Variants in ANKRD29 observed in about 807,000 individuals in gnomAD.
The protein encoded by ANKRD29 is ankyrin repeat domain-containing protein 29.
A neutral mutation model predicts 38.0 loss-of-function variants in ANKRD29; 32 were observed. The observed-to-expected ratio is 0.84, with a 90% CI of 0.64 to 1.13. The LOEUF (loss-of-function observed/expected upper bound fraction) is 1.13, where lower values mean the gene tolerates loss of function less well. ANKRD29 is among the 50% of genes most tolerant of loss of function. The probability of loss-of-function intolerance (pLI) is 0.00; values close to 1 mark genes in which losing one functional copy is unlikely to be tolerated. For synonymous variants in ANKRD29, 135 were observed against 152.4 expected (o/e 0.89, Z 0.84); for missense variants, 357 against 377.9 (o/e 0.94, Z 0.46).
intron 3 of ANKRD29, among the ~76,000 whole-genome samples, chr18:23,640,201 G>A (rs1193110825): frequency 1.3e-5 from 2 of 152,164 alleles, no homozygotes; most frequent in African/African-American, 4.8e-5. Flanking sequence ...AGGAGAGAGT[G>A]CTGACAGCCA....
In ANKRD29 at chr18:23,612,142, T is replaced by A; in HGVS notation, c.772A>T (p.Thr258Ser). The change falls in exon 9 of 10, where the codon ACA becomes TCA. Residue 258 changes from threonine (T) to serine (S), a missense_variant. Thr to Ser is a moderately conservative substitution (Grantham distance 58). Transcript: ENST00000592179. ...CCTGCTTCTAGGAGCAGCGCAACTG[T>A]TTTAATGTTTCCACTGAGCACTGCT... ...HAAVLSGNIK[T>S]VALLLEAGAD... The A allele has an allele frequency of 6.2e-7, 1 of 1,613,972 alleles. No individual in the cohort carries two copies. The highest frequency in any genetic ancestry group is 8.5e-7 in the Non-Finnish European group (1 of 1,179,970).
At chr18:23,625,492 A>T (rs2059851599) in intron 6 of ANKRD29, among the ~76,000 whole-genome samples, 1 of 152,090 alleles carries the variant, frequency 6.6e-6, no homozygotes, top group Non-Finnish European at 1.5e-5. Flanking sequence ...GTGGGGAGAA[A>T]CAGAGATATG....
chr18:23,662,892 C>G lies in ANKRD29; in HGVS notation c.-162G>C. ...CCGGCAGCAGCCGCCGCACACAGGG[C>G]CGGGCCGAAGGGGCGGCGCGGGGGC... On this transcript the variant is annotated 5_prime_UTR_variant, in exon 1 of 10. Transcript: ENST00000592179. The G allele has an allele frequency of 7.6e-6, 4 of 526,588 alleles. No individual in the cohort carries two copies. Among genetic ancestry groups the G allele is most frequent in the Non-Finnish European group, 9.8e-6 (4 of 408,100 alleles). 32.6% of individuals were successfully genotyped at this position (526,588 alleles called of 1,614,324 possible).
In ANKRD29 at chr18:23,639,341, G is replaced by A. The variant is rs142398440; in HGVS notation, c.232-394C>T. On this transcript the variant is annotated intron_variant, in intron 3 of 9. Coordinates refer to ENST00000592179, the MANE Select transcript of ANKRD29 (RefSeq NM_173505.4). The stretch of plus-strand genomic sequence containing the variant: ...TACTCACAACAGCTAAAATGTGGAA[G>A]CACTGAAGTGTCCATCTATGGATGA... Among the ~76,000 whole-genome samples the A allele has an allele frequency of 3.2e-3, 480 of 152,230 alleles. 3 individuals carry two copies. The highest frequency in any genetic ancestry group is 0.011 in the African/African-American group (451 of 41,544).
chr18:23,643,556 C>T (rs138942150), intron 3 of ANKRD29, among the ~76,000 whole-genome samples: 1 of 152,298 alleles, frequency 6.6e-6, no homozygotes, highest in Non-Finnish European at 1.5e-5. Flanking sequence ...GATTTTAGAA[C>T]ATACATACTA....
intron 1 of ANKRD29, among the ~76,000 whole-genome samples, chr18:23,659,077 G>A (rs972823651): frequency 4.6e-5 from 7 of 152,158 alleles, no homozygotes; most frequent in South Asian, 2.1e-4. Context: ...TGTCTCTAGG[G>A]TTCAAGTGAT....
At chr18:23,637,918 T>C (rs1005202016) in intron 4 of ANKRD29, among the ~76,000 whole-genome samples, 1 of 151,956 alleles carries the variant, frequency 6.6e-6, no homozygotes, top group Non-Finnish European at 1.5e-5. Flanking sequence ...TGTAAAATCA[T>C]ACTGTCAACA....
chr18:23,658,150 A>T (rs2060308415), intron 1 of ANKRD29, among the ~76,000 whole-genome samples: 1 of 152,226 alleles, frequency 6.6e-6, no homozygotes, highest in Non-Finnish European at 1.5e-5. Flanking sequence ...TCACACCTGT[A>T]ATCCCAACAC....
chr18:23,628,233 G>A (rs1437069211), intron 6 of ANKRD29, among the ~76,000 whole-genome samples: 2 of 152,134 alleles, frequency 1.3e-5, no homozygotes. Flanking sequence ...GAGATGGATT[G>A]AGAACTTGGG....
intron 5 of ANKRD29, 138 bp from the exon 6 acceptor site, chr18:23,630,089 G>T: frequency 1.5e-6 from 1 of 682,220 alleles, no homozygotes; most frequent in Non-Finnish European, 2.5e-6. Flanking sequence ...AGGAGATAGA[G>T]ACCAGCCTGG....
chr18:23,626,362 C>T (rs1013220388), intron 6 of ANKRD29, among the ~76,000 whole-genome samples: 1 of 152,156 alleles, frequency 6.6e-6, no homozygotes, highest in Non-Finnish European at 1.5e-5. Context: ...CAGGATCAGA[C>T]CTTTGCATTC....
rs1054216557 is a variant in ANKRD29, at chr18:23,615,871, CTATAGTATA to C, written c.723+1852_723+1860del. Among the ~76,000 whole-genome samples the C allele has an allele frequency of 4.7e-4, 69 of 147,472 alleles. 1 individual carries two copies. The highest frequency in any genetic ancestry group is 8.0e-4 in the Non-Finnish European group (54 of 67,182). On this transcript the variant is annotated intron_variant, in intron 8 of 9. Transcript: ENST00000592179. Reference sequence around the variant, plus strand: ...ATATTACTAGACATAAATATTTACTCTATAGTATATATAGTATATATTTATATTATATAG... The same window carrying C: ...ATATTACTAGACATAAATATTTACTCTATAGTATATATTTATATTATATAG...
At position 23,629,947 on chromosome 18, in the gene ANKRD29, C is replaced by A; in HGVS notation, c.434G>T (p.Gly145Val). 1 of 1,612,822 alleles carries A rather than the reference C, an allele frequency of 6.2e-7. No individual in the cohort carries two copies. Among genetic ancestry groups the A allele is most frequent in the Non-Finnish European group, 8.5e-7 (1 of 1,178,894 alleles). Residue 145 changes from glycine to valine, a missense_variant, in exon 6 of 10, where the codon GGA (glycine) becomes GTA (valine). Coordinates refer to ENST00000592179, the MANE Select transcript of ANKRD29 (RefSeq NM_173505.4). ...GANIHDQLYD[G>V]ATALFLAAQG... Reference sequence around the variant, plus strand: ...GGCAGCTAGGAAGAGGGCAGTGGCTCCATCCTGAGAGAGAACAAATTAAAA... The same window carrying A: ...GGCAGCTAGGAAGAGGGCAGTGGCTACATCCTGAGAGAGAACAAATTAAAA...
chr18:23,628,588 C>A (rs113708992), intron 6 of ANKRD29, among the ~76,000 whole-genome samples: 111 of 152,296 alleles, frequency 7.3e-4, no homozygotes, highest in African/African-American at 2.6e-3. Flanking sequence ...GTAACCCCAG[C>A]ACTTTGGGAG....
intron 2 of ANKRD29, chr18:23,646,546 A>G (rs1302279306): frequency 2.9e-6 from 1 of 340,608 alleles, no homozygotes; most frequent in East Asian, 5.0e-5. Context: ...GTCCAAATGA[A>G]CCATAGTTAC....
intron 4 of ANKRD29, among the ~76,000 whole-genome samples, chr18:23,636,340 A>G (rs1327207186): frequency 6.6e-6 from 1 of 152,106 alleles, no homozygotes; most frequent in Non-Finnish European, 1.5e-5. Context: ...GGGTCTTGCT[A>G]TGTGGCCCAA....
intron 1 of ANKRD29, among the ~76,000 whole-genome samples, chr18:23,662,297 G>A (rs1421734702): frequency 3.9e-5 from 6 of 152,162 alleles, no homozygotes; most frequent in African/African-American, 1.4e-4. Context: ...CCCCTCCGGG[G>A]AGGAGGCATC....
chr18:23,614,212 C>T (rs2059682198), intron 8 of ANKRD29, among the ~76,000 whole-genome samples: 1 of 151,986 alleles, frequency 6.6e-6, no homozygotes. Context: ...CAGGTGTACA[C>T]CACCACTCTT....
chr18:23,629,443 G>GT (rs1172382460), intron 6 of ANKRD29, among the ~76,000 whole-genome samples: 7 of 152,358 alleles, frequency 4.6e-5, no homozygotes, highest in Admixed American at 3.9e-4. Flanking sequence ...GGTGGAAGAA[G>GT]TGGTGGGCAG....
Sources: gnomAD v4.1 joint callset for allele counts (sites outside exome capture counted in the v4.1 genomes callset) on GRCh38, gnomAD v4.1.1 for gene constraint, MANE v1.5 for transcripts, NCBI Gene and HGNC (gene_info 2026-07-23, HGNC 2026-07-21) for gene names.